Variants in NHSL1 observed in about 807,000 individuals in gnomAD.
The protein encoded by NHSL1 is NHS-like protein 1.
A neutral mutation model predicts 95.0 loss-of-function variants in NHSL1; 48 were observed. The observed-to-expected ratio is 0.51, with a 90% CI of 0.40 to 0.64. The LOEUF (loss-of-function observed/expected upper bound fraction) is 0.64. Among genes scored for constraint, NHSL1 ranks in the 30% least tolerant of loss-of-function variants. NHSL1 has a pLI of 0.00. For missense variants in NHSL1, 1,971 were observed against 2,077.7 expected, an observed-to-expected ratio of 0.95 and a Z score of 1.00; for synonymous variants, 783 against 833.9, an observed-to-expected ratio of 0.94 and a Z score of 1.05.
intron 1 of NHSL1, among the ~76,000 whole-genome samples, chr6:138,536,275 C>T (rs1198965106): frequency 6.6e-6 from 1 of 152,158 alleles, no homozygotes; most frequent in East Asian, 1.9e-4. Flanking sequence ...GCGACTAAGA[C>T]AAACTCATTT....
chr6:138,568,048 GAATA>G (rs1156682820), intron 1 of NHSL1, among the ~76,000 whole-genome samples: 1 of 152,146 alleles, frequency 6.6e-6, no homozygotes, highest in African/African-American at 2.4e-5. Flanking sequence ...GGAAAGCACA[GAATA>G]AATACTACTA....
At chr6:138,572,534 A>T (rs1783877947) in exon 1 of NHSL1, 1 of 152,398 alleles carries the variant, frequency 6.6e-6, no homozygotes, top group African/African-American at 2.4e-5. Context: ...CCGTCTGTGA[A>T]GCGCTCGTTC....
At chr6:138,449,609 T>C (rs1340629042) in intron 3 of NHSL1, among the ~76,000 whole-genome samples, 1 of 151,726 alleles carries the variant, frequency 6.6e-6, no homozygotes, top group Non-Finnish European at 1.5e-5. Context: ...CTCGGGAGGC[T>C]GAGGCTGCGG....
At chr6:138,630,704 T>C (rs560532974) in intron 1 of NHSL1, among the ~76,000 whole-genome samples, 13 of 152,320 alleles carry the variant, frequency 8.5e-5, no homozygotes, top group African/African-American at 2.4e-4. Context: ...ATTTTTATAA[T>C]CAATTTCATT....
chr6:138,428,821 C>G (rs1775434280), intron 7 of NHSL1, among the ~76,000 whole-genome samples: 1 of 152,056 alleles, frequency 6.6e-6, no homozygotes, highest in African/African-American at 2.4e-5. Context: ...TCATTCAGGG[C>G]AAAATAAGGC....
chr6:138,658,551 C>T (rs1460967903), intron 1 of NHSL1, among the ~76,000 whole-genome samples: 1 of 152,202 alleles, frequency 6.6e-6, no homozygotes, highest in Non-Finnish European at 1.5e-5. Flanking sequence ...GATAATATTC[C>T]ATTGTAAATA....
At chr6:138,546,757 T>G (rs991809589), upstream of NHSL1, among the ~76,000 whole-genome samples, 3 of 152,248 alleles carry the variant, frequency 2.0e-5, no homozygotes, top group African/African-American at 7.2e-5. Context: ...AACTGTACTG[T>G]GGCTGTGATC....
rs561372699 is a variant in NHSL1 at position 138,630,130 on chromosome 6, G to A, written c.96+62346C>T. 5.3e-5 allele frequency among the ~76,000 whole-genome samples: 8 copies of A among 152,066 alleles called. No individual in the cohort carries two copies. In the South Asian group the frequency reaches 6.2e-4, roughly 12 times the overall value. The stretch of plus-strand genomic sequence containing the variant: ...CTTGGGAGGCTGAGGTGGGAGGATC[G>A]CTTGAGCTTGGGAGTTAGAGGCTGC... On this transcript the variant is annotated intron_variant, in intron 1 of 3. Transcript: ENST00000491526.
intron 1 of NHSL1, among the ~76,000 whole-genome samples, chr6:138,514,733 C>T (rs1781389035): frequency 1.3e-5 from 2 of 152,090 alleles, no homozygotes; most frequent in South Asian, 2.1e-4. Context: ...GCCTGGGGAA[C>T]ATAGGGAGAC....
At chr6:138,491,217 T>C (rs1233870957) in intron 2 of NHSL1, among the ~76,000 whole-genome samples, 1 of 152,200 alleles carries the variant, frequency 6.6e-6, no homozygotes, top group African/African-American at 2.4e-5. Context: ...CAACAACAGC[T>C]GCTCTGTGAA....
At chr6:138,525,000 T>C (rs991343034) in intron 1 of NHSL1, among the ~76,000 whole-genome samples, 5 of 152,052 alleles carry the variant, frequency 3.3e-5, no homozygotes, top group Admixed American at 2.0e-4. Context: ...TGAAAGGATA[T>C]GTGTAAGTGG....
chr6:138,502,159 T>C (rs760350545), upstream of NHSL1, among the ~76,000 whole-genome samples: 4 of 152,170 alleles, frequency 2.6e-5, no homozygotes, highest in African/African-American at 4.8e-5. Flanking sequence ...CATAACACCA[T>C]AAAATCCAGA....
intron 1 of NHSL1, among the ~76,000 whole-genome samples, chr6:138,595,736 G>C (rs1434678553): frequency 6.6e-6 from 1 of 152,078 alleles, no homozygotes; most frequent in African/African-American, 2.4e-5. Context: ...ACAATGAATG[G>C]GTAAGAATAG....
chr6:138,498,132 C>G (rs767937940), intron 1 of NHSL1, among the ~76,000 whole-genome samples: 4 of 152,168 alleles, frequency 2.6e-5, no homozygotes, highest in East Asian at 1.9e-4. Context: ...ATATGTCCCC[C>G]CAAAGTGTAG....
chr6:138,583,851 A>G (rs984717848), intron 1 of NHSL1, among the ~76,000 whole-genome samples: 1 of 152,314 alleles, frequency 6.6e-6, no homozygotes, highest in Non-Finnish European at 1.5e-5. Flanking sequence ...TCAATCTGCC[A>G]TATGAGGGAG....
At position 138,475,973 on chromosome 6, in the gene NHSL1, AC is replaced by A. The variant is rs374010912; in HGVS notation, c.212-2541del. On this transcript the variant is annotated intron_variant, in intron 2 of 7. Transcript: ENST00000343505. ...GTGAGACTCTGTCTCAAAAAACAAA[AC>A]AAAACAAAAGTCAAAAGCAACAGAT... Among the ~76,000 whole-genome samples, 330 of 152,278 alleles carry A rather than the reference AC, an allele frequency of 2.2e-3. 1 individual carries two copies. The highest frequency in any genetic ancestry group is 6.9e-3 in the African/African-American group (288 of 41,568).
chr6:138,450,443 C>T lies in NHSL1; in HGVS notation c.340-3250G>A, dbSNP rs150056888. ...AAAGTAAAGCTTTCAGGCTACAGCT[C>T]TCTATGCCCTGGAGCAAGGGCTCCC... On this transcript the variant is annotated intron_variant, in intron 3 of 7. Coordinates refer to ENST00000343505, the MANE Select transcript of NHSL1 (RefSeq NM_001144060.2). Among the ~76,000 whole-genome samples the T allele has an allele frequency of 7.9e-4, 120 of 152,356 alleles. 1 individual carries two copies. Among genetic ancestry groups the T allele is most frequent in the Non-Finnish European group, 1.3e-3 (90 of 68,032 alleles).
At chr6:138,587,639 G>A (rs1784158754) in intron 1 of NHSL1, among the ~76,000 whole-genome samples, 1 of 151,864 alleles carries the variant, frequency 6.6e-6, no homozygotes, top group Non-Finnish European at 1.5e-5. Flanking sequence ...CTGATTCTGT[G>A]TTTCAAAGAA....
chr6:138,437,328 AC>A, intron 5 of NHSL1, among the ~76,000 whole-genome samples: 1 of 74,320 alleles, frequency 1.3e-5, no homozygotes, highest in African/African-American at 7.4e-5. Flanking sequence ...ATACACACAC[AC>A]ATATATATAT....
Sources: allele counts gnomAD v4.1 joint callset (sites outside exome capture counted in the v4.1 genomes callset), GRCh38; gene constraint gnomAD v4.1.1; transcripts MANE v1.5; gene names NCBI Gene and HGNC (gene_info 2026-07-23, HGNC 2026-07-21).